Variants in UBA3 observed in about 807,000 individuals in gnomAD.
The protein encoded by UBA3 is NEDD8-activating enzyme E1 catalytic subunit.
A neutral mutation model predicts 73.5 loss-of-function variants in UBA3; 26 were observed. The ratio of observed to expected loss-of-function variants is 0.35; its 90% CI spans 0.26 to 0.49. UBA3 has a LOEUF of 0.49. Among genes scored for constraint, UBA3 ranks in the 20% least tolerant of loss-of-function variants. The pLI is 0.98. For missense variants in UBA3, 495 were observed against 555.6 expected (o/e 0.89, Z 1.10); for synonymous variants, 217 against 191.2 (o/e 1.13, Z -1.11).
intron 2 of UBA3, among the ~76,000 whole-genome samples, 153 bp from the exon 3 acceptor site, chr3:69,078,071 A>AT (rs1322101436): frequency 6.6e-6 from 1 of 152,158 alleles, no homozygotes. Context: ...ATGCTTTGAA[A>AT]TTTTTTCTTG....
In UBA3 at chr3:69,061,838, C is replaced by A. The variant is rs777263009; in HGVS notation, c.886G>T (p.Gly296Cys). The change falls in exon 11 of 18, where the codon GGT (glycine) becomes TGT (cysteine). Residue 296 changes from glycine (G) to cysteine (C), a missense_variant. Physicochemically the swap from Gly to Cys is radical, Grantham distance 159. Coordinates refer to ENST00000361055, the MANE Select transcript of UBA3 (RefSeq NM_003968.4). ...CCTTGAGTGAGCCTATACGTAACAC[C>A]CCTAATATTATATTGTGATGCTCTC... is the stretch of plus-strand genomic sequence containing the variant. ...LERASQYNIR[G>C]VTYRLTQGVV... is the part of the protein sequence containing the mutation. The A allele has an allele frequency of 1.5e-5, 24 of 1,606,806 alleles. No individual in the cohort carries two copies. Among genetic ancestry groups the A allele is most frequent in the South Asian group, 2.2e-5 (2 of 89,726 alleles).
At chr3:69,061,507 C>G (rs1248148158) in intron 11 of UBA3, 1 of 203,848 alleles carries the variant, frequency 4.9e-6, no homozygotes, top group Admixed American at 5.5e-5. Flanking sequence ...AAGACAATTT[C>G]TGTTCAATAT....
rs1170910173 is a variant in UBA3 at position 69,063,092 on chromosome 3, T to C, written c.583A>G (p.Ile195Val). 3.1e-6 allele frequency: 5 copies of C among 1,614,042 alleles called. No individual in the cohort carries two copies. Among genetic ancestry groups the C allele is most frequent in the East Asian group, 4.5e-5 (2 of 44,854 alleles). Residue 195 changes from isoleucine (I) to valine (V), a missense_variant, in exon 9 of 18, where the codon ATT (isoleucine) becomes GTT (valine). By Grantham distance (29) the Ile-to-Val change is conservative. Coordinates refer to ENST00000361055, the MANE Select transcript of UBA3 (RefSeq NM_003968.4). ...GTCCCCCCATCTATCAAAGGGACAA[T>C]GGAGCTTGGATCTAAGACACCATCT... The part of the protein sequence containing the change: ...YEDGVLDPSS[I>V]VPLIDGGTEG...
intron 5 of UBA3, among the ~76,000 whole-genome samples, chr3:69,070,592 C>T (rs565633719): frequency 6.6e-6 from 1 of 152,274 alleles, no homozygotes; most frequent in South Asian, 2.1e-4. Flanking sequence ...ATACTAAATT[C>T]ATGAATGAAC....
chr3:69,075,405 T>TTA (rs776575507), intron 4 of UBA3, 25 bp downstream of exon 4: 137 of 1,134,002 alleles, frequency 1.2e-4, no homozygotes, highest in African/African-American at 1.1e-3. Flanking sequence ...AAAAAAATAT[T>TTA]TATATATATA....
intron 5 of UBA3, among the ~76,000 whole-genome samples, chr3:69,068,394 C>T (rs933246168): frequency 6.6e-6 from 1 of 151,888 alleles, no homozygotes; most frequent in Non-Finnish European, 1.5e-5. Flanking sequence ...GAAATATACA[C>T]AATAAGATTC....
At chr3:69,056,584 T>A in intron 14 of UBA3, 28 bp downstream of exon 14, 1 of 1,554,598 alleles carries the variant, frequency 6.4e-7, no homozygotes, top group Non-Finnish European at 8.8e-7. Context: ...ATATGCATGA[T>A]CAAAAATGTG....
chr3:69,056,081 A>T lies in UBA3; in HGVS notation c.1185-18T>A, dbSNP rs2091970603. ...TCATTTGCCTAAAGATTATGATGAG[A>T]GAGAAGTATCAAACATAATTTTTAT... On this transcript the variant is annotated intron_variant, in intron 15 of 17. Transcript: ENST00000361055. The T allele has an allele frequency of 1.9e-6, 3 of 1,585,134 alleles. No homozygotes were observed. In the East Asian group the frequency reaches 6.7e-5, roughly 36 times the overall value.
rs373747454 is a variant in UBA3 at position 69,064,123 on chromosome 3, T to C, written c.429-12A>G. ...TCTTGTTGAAATGTCTGAATACAAG[T>C]AAAGGAACTTAAGCAGCTAAGTTTT... On this transcript the variant is annotated splice_polypyrimidine_tract_variant and intron_variant, in intron 6 of 17. Coordinates refer to ENST00000361055, the MANE Select transcript of UBA3 (RefSeq NM_003968.4). 2 of 1,595,572 alleles carry C rather than the reference T, an allele frequency of 1.3e-6. No individual in the cohort carries two copies. The highest frequency in any genetic ancestry group is 8.5e-7 in the Non-Finnish European group (1 of 1,172,504).
intron 11 of UBA3, among the ~76,000 whole-genome samples, chr3:69,060,520 T>C (rs1334819131): frequency 6.6e-6 from 1 of 152,238 alleles, no homozygotes; most frequent in Admixed American, 6.5e-5. Context: ...CCCATAATGC[T>C]GCATGTTGGC....
chr3:69,060,896 C>G (rs896527535), intron 11 of UBA3, among the ~76,000 whole-genome samples: 3 of 152,224 alleles, frequency 2.0e-5, no homozygotes, highest in Admixed American at 6.5e-5. Flanking sequence ...TTAGCTTTCA[C>G]GAGTAAAAGC....
At chr3:69,070,491 T>TAG (rs1043781059) in intron 5 of UBA3, among the ~76,000 whole-genome samples, 6 of 151,830 alleles carry the variant, frequency 4.0e-5, no homozygotes, top group Non-Finnish European at 8.8e-5. Flanking sequence ...ACTTCCTAAA[T>TAG]AGAGAGAGAA....
chr3:69,070,190 C>T (rs1575842362), intron 5 of UBA3, among the ~76,000 whole-genome samples: 2 of 152,102 alleles, frequency 1.3e-5, no homozygotes, highest in Admixed American at 1.3e-4. Flanking sequence ...ATTCACAACT[C>T]AAAATTTGAC....
At chr3:69,066,547 G>A (rs755340899) in intron 6 of UBA3, among the ~76,000 whole-genome samples, 26 of 151,898 alleles carry the variant, frequency 1.7e-4, no homozygotes, top group Non-Finnish European at 3.2e-4. Flanking sequence ...AGGGTCAAGC[G>A]ATTCTCCCAC....
At chr3:69,059,962 T>A (rs1220561277) in intron 11 of UBA3, among the ~76,000 whole-genome samples, 1 of 152,160 alleles carries the variant, frequency 6.6e-6, no homozygotes, top group African/African-American at 2.4e-5. Context: ...TACCTAGGCT[T>A]CAGTAGAGGA....
chr3:69,069,340 T>C (rs956476870), intron 5 of UBA3, among the ~76,000 whole-genome samples: 1 of 152,218 alleles, frequency 6.6e-6, no homozygotes, highest in African/African-American at 2.4e-5. Flanking sequence ...TTTTTTTTGT[T>C]TGTTTGAGAC....
At chr3:69,062,703 C>T (rs2107486574) in intron 9 of UBA3, among the ~76,000 whole-genome samples, 1 of 152,282 alleles carries the variant, frequency 6.6e-6, no homozygotes, top group African/African-American at 2.4e-5. Context: ...TAGATTACAG[C>T]TTGACATCAA....
Position 69,077,788 on chromosome 3 carries a change from C to T in UBA3, c.183+10G>A, listed in dbSNP as rs1053491600. On this transcript the variant is annotated intron_variant, in intron 3 of 17. Coordinates refer to ENST00000361055, the MANE Select transcript of UBA3 (RefSeq NM_003968.4). Reference sequence around the variant, plus strand: ...ATTAGAGCAGTTATTTAAAAATAAACGTTTCTCACTTCAGTGCTCGGTTCG... The same window carrying T: ...ATTAGAGCAGTTATTTAAAAATAAATGTTTCTCACTTCAGTGCTCGGTTCG... 5.0e-6 allele frequency: 8 copies of T among 1,606,680 alleles called. No homozygotes were observed. Among genetic ancestry groups the T allele is most frequent in the Non-Finnish European group, 5.9e-6 (7 of 1,176,748 alleles).
At chr3:69,063,226 TG>T (rs1453570752) in intron 8 of UBA3, 89 bp from the exon 9 acceptor site, 1 of 1,515,676 alleles carries the variant, frequency 6.6e-7, no homozygotes, top group Non-Finnish European at 9.0e-7. Context: ...ATGAGTCGGT[TG>T]TGCTATTGAA....
Sources: gnomAD v4.1 joint callset for allele counts (sites outside exome capture counted in the v4.1 genomes callset) on GRCh38, gnomAD v4.1.1 for gene constraint, MANE v1.5 for transcripts, NCBI Gene and HGNC (gene_info 2026-07-23, HGNC 2026-07-21) for gene names.